CADPS2: variants seen among roughly 807,000 people sequenced by gnomAD.
CADPS2 encodes the protein calcium dependent secretion activator 2, also known as calcium-dependent secretion activator 2.
In CADPS2, 93 loss-of-function variants were observed where a neutral mutation model predicts 172.5. That is an observed-to-expected ratio of 0.54 (90% CI 0.46 to 0.64). The LOEUF is 0.64. CADPS2 is among the 30% of genes least tolerant of loss of function. The pLI, the probability that CADPS2 is intolerant of heterozygous loss-of-function variation, is 0.00. For synonymous variants in CADPS2, 546 were observed against 555.2 expected, an observed-to-expected ratio of 0.98 and a Z score of 0.23; for missense variants, 1,420 against 1,565.9, an observed-to-expected ratio of 0.91 and a Z score of 1.57.
At chr7:122,657,884 T>G (rs559372749) in intron 3 of CADPS2, among the ~76,000 whole-genome samples, 1 of 152,258 alleles carries the variant, frequency 6.6e-6, no homozygotes, top group African/African-American at 2.4e-5. Flanking sequence ...CCCTGTCTTG[T>G]GCCAGTTTTC....
At chr7:122,563,679 C>T (rs2066039652) in intron 7 of CADPS2, among the ~76,000 whole-genome samples, 1 of 151,994 alleles carries the variant, frequency 6.6e-6, no homozygotes, top group Admixed American at 6.6e-5. Flanking sequence ...TCAGTCAATC[C>T]ATAACATACG....
At chr7:122,508,417 T>C (rs973628607) in intron 9 of CADPS2, among the ~76,000 whole-genome samples, 1 of 149,506 alleles carries the variant, frequency 6.7e-6, no homozygotes, top group Non-Finnish European at 1.5e-5. Flanking sequence ...AAACTTATAA[T>C]ATAGAATCCA....
chr7:122,486,061 C>T (rs973625023), intron 11 of CADPS2, among the ~76,000 whole-genome samples: 1 of 152,090 alleles, frequency 6.6e-6, no homozygotes, highest in East Asian at 1.9e-4. Flanking sequence ...TGCTCACTGA[C>T]ATAGCATCTA....
At chr7:122,681,779 A>T (rs2083078312) in intron 2 of CADPS2, 4 of 509,898 alleles carry the variant, frequency 7.8e-6, no homozygotes, top group Non-Finnish European at 1.0e-5. Flanking sequence ...CTAAAAAAAA[A>T]TAAATAAAAA....
chr7:122,368,357 G>A (rs1166140720), intron 25 of CADPS2, among the ~76,000 whole-genome samples: 2 of 152,062 alleles, frequency 1.3e-5, no homozygotes, highest in Non-Finnish European at 1.5e-5. Context: ...GACTGGAGGT[G>A]AAGCTATCAC....
chr7:122,717,779 T>G (rs1409157633), intron 2 of CADPS2, among the ~76,000 whole-genome samples: 1 of 152,036 alleles, frequency 6.6e-6, no homozygotes, highest in Non-Finnish European at 1.5e-5. Context: ...TACAACTCAA[T>G]TATCCTAGCA....
intron 27 of CADPS2, among the ~76,000 whole-genome samples, chr7:122,348,355 C>T (rs2038005762): frequency 6.6e-6 from 1 of 152,162 alleles, no homozygotes; most frequent in African/African-American, 2.4e-5. Flanking sequence ...GAAACTAACA[C>T]TTTACAGTTT....
chr7:122,650,899 ATAT>A (rs200488419), intron 3 of CADPS2, among the ~76,000 whole-genome samples: 4,183 of 152,242 alleles, frequency 0.027, 87 homozygotes, highest in South Asian at 0.094. Flanking sequence ...ACATATATAA[ATAT>A]TATGGCCACT....
At chr7:122,568,466 G>C (rs182383835) in intron 7 of CADPS2, among the ~76,000 whole-genome samples, 89 of 152,058 alleles carry the variant, frequency 5.9e-4, no homozygotes, top group African/African-American at 1.8e-3. Flanking sequence ...ACTATAGCAA[G>C]ATATTTCAAT....
chr7:122,493,045 T>C (rs1327582748), intron 9 of CADPS2, among the ~76,000 whole-genome samples: 3 of 152,048 alleles, frequency 2.0e-5, no homozygotes, highest in Non-Finnish European at 4.4e-5. Context: ...ACAGAGAAAA[T>C]ATGGGCTACA....
intron 9 of CADPS2, among the ~76,000 whole-genome samples, chr7:122,496,001 A>G (rs1473860911): frequency 6.6e-6 from 1 of 152,002 alleles, no homozygotes; most frequent in Admixed American, 6.6e-5. Context: ...TCATTTAGCC[A>G]TTTTATACCA....
intron 2 of CADPS2, among the ~76,000 whole-genome samples, chr7:122,677,593 T>C (rs2082516824): frequency 6.6e-6 from 1 of 152,192 alleles, no homozygotes; most frequent in African/African-American, 2.4e-5. Context: ...TTCATGTATA[T>C]TAACCCTCAC....
At chr7:122,815,472 T>C (rs550252864) in intron 1 of CADPS2, among the ~76,000 whole-genome samples, 1 of 152,196 alleles carries the variant, frequency 6.6e-6, no homozygotes, top group South Asian at 2.1e-4. Flanking sequence ...GATCAAAACA[T>C]TAACCCTCAT....
At chr7:122,702,673 T>C (rs770964087) in intron 2 of CADPS2, 13 of 1,613,082 alleles carry the variant, frequency 8.1e-6, no homozygotes, top group South Asian at 4.4e-5. Flanking sequence ...GAAAGCTAAG[T>C]AGTAGAAAGA....
intron 2 of CADPS2, among the ~76,000 whole-genome samples, chr7:122,731,876 G>T (rs1364333497): frequency 6.6e-6 from 1 of 151,286 alleles, no homozygotes; most frequent in Non-Finnish European, 1.5e-5. Flanking sequence ...TAGATATTTG[G>T]GTCAATTTTT....
intron 9 of CADPS2, among the ~76,000 whole-genome samples, chr7:122,501,699 C>T (rs1162670839): frequency 3.3e-5 from 5 of 151,336 alleles, no homozygotes; most frequent in African/African-American, 1.2e-4. Context: ...GGTAGTGAAA[C>T]CCCATCTCTA....
intron 1 of CADPS2, among the ~76,000 whole-genome samples, chr7:122,882,682 C>G (rs1045650586): frequency 6.7e-6 from 1 of 149,520 alleles, no homozygotes; most frequent in Non-Finnish European, 1.5e-5. Flanking sequence ...TAACAAATTG[C>G]CTTTATTAAT....
chr7:122,406,940 T>C (rs2046721344), intron 20 of CADPS2, among the ~76,000 whole-genome samples: 1 of 152,200 alleles, frequency 6.6e-6, no homozygotes, highest in Non-Finnish European at 1.5e-5. Flanking sequence ...AAAAACAGTT[T>C]GTTTTGTTTG....
chr7:122,789,515 T>C (rs146773984), intron 1 of CADPS2, among the ~76,000 whole-genome samples: 1 of 152,276 alleles, frequency 6.6e-6, no homozygotes, highest in African/African-American at 2.4e-5. Context: ...CTATAAGCAT[T>C]ACACTCTAAC....
Sources: allele counts gnomAD v4.1 joint callset (sites outside exome capture counted in the v4.1 genomes callset), GRCh38; gene constraint gnomAD v4.1.1; transcripts MANE v1.5; gene names NCBI Gene and HGNC (gene_info 2026-07-23, HGNC 2026-07-21).